TRAPPC12: variants seen among roughly 807,000 people sequenced by gnomAD.
TRAPPC12 encodes the protein trafficking protein particle complex subunit 12.
In TRAPPC12, 61 loss-of-function variants were observed where a neutral mutation model predicts 69.2. The ratio of observed to expected loss-of-function variants is 0.88; its 90% CI spans 0.72 to 1.09. The LOEUF is 1.09. TRAPPC12 is among the 50% of genes least tolerant of loss of function. TRAPPC12 has a pLI of 0.00. For missense variants in TRAPPC12, 1,101 were observed against 1,016.4 expected (o/e 1.08, Z -1.13); for synonymous variants, 469 against 438.9 (o/e 1.07, Z -0.86).
chr2:3,409,986 G>A (rs1483325440), intron 3 of TRAPPC12, among the ~76,000 whole-genome samples: 1 of 152,082 alleles, frequency 6.6e-6, no homozygotes, highest in African/African-American at 2.4e-5. Context: ...TGCCAGCGCC[G>A]AGCCCTCTGC....
At chr2:3,475,127 G>C (rs1666239766) in intron 9 of TRAPPC12, among the ~76,000 whole-genome samples, 1 of 152,112 alleles carries the variant, frequency 6.6e-6, no homozygotes, top group African/African-American at 2.4e-5. Flanking sequence ...ACAGGATCTT[G>C]CTCTGTCTGC....
intron 6 of TRAPPC12, chr2:3,457,179 C>T (rs1000074793): frequency 2.2e-6 from 1 of 459,252 alleles, no homozygotes. Context: ...GGCCATTATC[C>T]TAAGTGAATT....
chr2:3,453,973 G>A (rs1664990314), intron 6 of TRAPPC12, among the ~76,000 whole-genome samples: 1 of 152,174 alleles, frequency 6.6e-6, no homozygotes. Context: ...ATGCTCTTCT[G>A]CATCACACTG....
At chr2:3,407,583 A>T (rs572930325) in intron 3 of TRAPPC12, among the ~76,000 whole-genome samples, 50 of 152,288 alleles carry the variant, frequency 3.3e-4, no homozygotes, top group African/African-American at 1.2e-3. Flanking sequence ...CGGGCAGATC[A>T]CGAGGTCAGG....
chr2:3,451,024 G>A (rs13032639), intron 6 of TRAPPC12, among the ~76,000 whole-genome samples: 4,833 of 152,256 alleles, frequency 0.032, 113 homozygotes, highest in Non-Finnish European at 0.041. Flanking sequence ...CATAGGATGA[G>A]AACATAGATT....
At chr2:3,433,411 T>C (rs1173917871) in intron 5 of TRAPPC12, among the ~76,000 whole-genome samples, 1 of 152,220 alleles carries the variant, frequency 6.6e-6, no homozygotes, top group African/African-American at 2.4e-5. Flanking sequence ...GTGAGGCAGG[T>C]GGCACAGGCG....
chr2:3,433,016 G>C (rs1663524691), intron 5 of TRAPPC12, among the ~76,000 whole-genome samples: 2 of 152,110 alleles, frequency 1.3e-5, no homozygotes, highest in African/African-American at 4.8e-5. Context: ...TTTTCTCTTA[G>C]GACTTTCTCA....
At chr2:3,478,320 C>G (rs1666387151) in intron 10 of TRAPPC12, among the ~76,000 whole-genome samples, 1 of 152,234 alleles carries the variant, frequency 6.6e-6, no homozygotes, top group Non-Finnish European at 1.5e-5. Flanking sequence ...TGAAGTTACT[C>G]TATCTCAATT....
intron 3 of TRAPPC12, among the ~76,000 whole-genome samples, chr2:3,417,730 C>G (rs1406103426): frequency 6.6e-6 from 1 of 152,080 alleles, no homozygotes; most frequent in Non-Finnish European, 1.5e-5. Flanking sequence ...GAATTAAAAC[C>G]TTAAGTTTCT....
At chr2:3,430,535 A>T (rs772426167) in intron 5 of TRAPPC12, among the ~76,000 whole-genome samples, 3 of 152,156 alleles carry the variant, frequency 2.0e-5, no homozygotes, top group Non-Finnish European at 2.9e-5. Flanking sequence ...CTTTGTTATT[A>T]ATTGGTTGAG....
chr2:3,404,224 A>G (rs1306526944), intron 3 of TRAPPC12, among the ~76,000 whole-genome samples: 2 of 152,152 alleles, frequency 1.3e-5, no homozygotes, highest in Admixed American at 1.3e-4. Context: ...GCGCAGGGAC[A>G]TCGTGCCCTG....
At chr2:3,405,778 TA>T (rs1661696311) in intron 3 of TRAPPC12, among the ~76,000 whole-genome samples, 2 of 152,236 alleles carry the variant, frequency 1.3e-5, no homozygotes, top group South Asian at 2.1e-4. Flanking sequence ...ACACTATTTT[TA>T]AAAGAAGTAT....
At chr2:3,389,468 G>A (rs1008151269) in intron 2 of TRAPPC12, among the ~76,000 whole-genome samples, 1 of 152,266 alleles carries the variant, frequency 6.6e-6, no homozygotes, top group Admixed American at 6.5e-5. Flanking sequence ...CTCCCACAGT[G>A]GACTCCTGCG....
At chr2:3,461,196 GA>G (rs2103142313) in intron 8 of TRAPPC12, among the ~76,000 whole-genome samples, 1 of 152,344 alleles carries the variant, frequency 6.6e-6, no homozygotes, top group South Asian at 2.1e-4. Flanking sequence ...CATGAACCCT[GA>G]AGTGGCAGCC....
At chr2:3,477,147 C>T (rs562376815) in intron 9 of TRAPPC12, among the ~76,000 whole-genome samples, 26 of 152,334 alleles carry the variant, frequency 1.7e-4, no homozygotes, top group African/African-American at 5.3e-4. Flanking sequence ...CTGCATCCGG[C>T]TGCATTTCAG....
rs545162353 is a variant in TRAPPC12 at position 3,471,882 on chromosome 2, G to A, written c.1777-5813G>A. Among the ~76,000 whole-genome samples the A allele has an allele frequency of 1.7e-4, 26 of 152,242 alleles. 1 individual carries two copies. Among genetic ancestry groups the A allele is most frequent in the African/African-American group, 5.1e-4 (21 of 41,530 alleles). On this transcript the variant is annotated intron_variant, in intron 9 of 11. Coordinates refer to ENST00000324266, the MANE Select transcript of TRAPPC12 (RefSeq NM_016030.6). ...GGGAAAGTAGCTGTGGTGCGCAGGT[G>A]CAAGTCCAGCAGCCAAGCACAGACG... is the stretch of plus-strand genomic sequence containing the variant.
chr2:3,453,606 A>T (rs1664969420), intron 6 of TRAPPC12, among the ~76,000 whole-genome samples: 1 of 152,128 alleles, frequency 6.6e-6, no homozygotes, highest in African/African-American at 2.4e-5. Context: ...TTCCCAAACG[A>T]ACCGGGTGTG....
Position 3,411,270 on chromosome 2 carries a change from C to G in TRAPPC12, c.1164+9377C>G, listed in dbSNP as rs1260662270. Among the ~76,000 whole-genome samples the G allele has an allele frequency of 3.9e-5, 6 of 152,202 alleles. 1 individual carries two copies. Among genetic ancestry groups the G allele is most frequent in the Non-Finnish European group, 8.8e-5 (6 of 68,046 alleles). ...GAATTTGGTTCCTGCATGTCAAGCA[C>G]TGTTCTAGGTACAGAGACTGAGGGC... On this transcript the variant is annotated intron_variant, in intron 3 of 11. Coordinates refer to ENST00000324266, the MANE Select transcript of TRAPPC12 (RefSeq NM_016030.6).
chr2:3,418,730 G>A (rs1298257003), intron 3 of TRAPPC12, among the ~76,000 whole-genome samples: 3 of 152,198 alleles, frequency 2.0e-5, no homozygotes, highest in African/African-American at 7.2e-5. Context: ...GCCAGCACCA[G>A]GCCCAGCTGC....
Sources: gnomAD v4.1 joint callset for allele counts (sites outside exome capture counted in the v4.1 genomes callset) on GRCh38, gnomAD v4.1.1 for gene constraint, MANE v1.5 for transcripts, NCBI Gene and HGNC (gene_info 2026-07-23, HGNC 2026-07-21) for gene names.